The following KLC1 variants were observed in gnomAD, a reference collection of about 807,000 sequenced individuals.
KLC1 encodes the protein kinesin 2 60/70kDa.
Under a neutral mutation model 84.2 loss-of-function variants are expected in KLC1, and 30 were observed. The observed-to-expected ratio is 0.36, with a 90% CI of 0.27 to 0.48. The LOEUF (loss-of-function observed/expected upper bound fraction) is 0.48. Ranked by LOEUF, KLC1 falls within the 20% of genes least tolerant of loss-of-function variation. KLC1 has a pLI of 0.99. For missense variants in KLC1, 499 were observed against 805.4 expected (o/e 0.62, Z 4.60); for synonymous variants, 289 against 293.3 (o/e 0.99, Z 0.15).
chr14:103,694,669 G>A lies in KLC1; in HGVS notation c.1848+2244G>A. On this transcript the variant is annotated intron_variant, in intron 15 of 16. Coordinates refer to ENST00000334553, the MANE Select transcript of KLC1 (RefSeq NM_001394837.1). This position sits in a 1 kb window ranked among gnomAD's most constrained non-coding sequence, Gnocchi z 4.5. The stretch of plus-strand genomic sequence containing the variant: ...TGCCAGCCAACTAGGCTACGGGATG[G>A]AGGGGCGGTCTGTGAAACACCAGCC... 2.0e-6 allele frequency: 2 copies of A among 985,488 alleles called. No individual in the cohort carries two copies. The highest frequency in any genetic ancestry group is 2.4e-6 in the Non-Finnish European group (2 of 829,946). 61.0% of individuals were successfully genotyped at this position (985,488 alleles called of 1,614,324 possible). A position where few individuals can be genotyped will look rare whatever the true frequency, so the allele number is the denominator to read the frequency against.
chr14:103,696,114 C>A (rs1422853494), intron 15 of KLC1: 12 of 957,530 alleles, frequency 1.3e-5, no homozygotes, highest in African/African-American at 5.6e-5. Flanking sequence ...CGCCCCCCCC[C>A]ACAGCAGCCG....
At chr14:103,657,437 A>G (rs1819532958) in intron 2 of KLC1, 109 bp from the exon 3 acceptor site, 1 of 751,596 alleles carries the variant, frequency 1.3e-6, no homozygotes, top group African/African-American at 1.8e-5. Flanking sequence ...CTTTGGAGAA[A>G]ATATCTGCGA....
At chr14:103,669,206 G>T (rs1256079993) in intron 5 of KLC1, among the ~76,000 whole-genome samples, 3 of 151,876 alleles carry the variant, frequency 2.0e-5, no homozygotes, top group African/African-American at 7.3e-5. Context: ...GGAGGCCTAG[G>T]CGGGTGGATC....
intron 1 of KLC1, among the ~76,000 whole-genome samples, chr14:103,634,578 G>T (rs2076917549): frequency 6.6e-6 from 1 of 152,100 alleles, no homozygotes; most frequent in Non-Finnish European, 1.5e-5. Context: ...ATGTCCATCT[G>T]GTAGAGATGG....
chr14:103,657,525 C>G (rs377748971), intron 2 of KLC1, 21 bp from the exon 3 acceptor site: 2 of 1,599,486 alleles, frequency 1.3e-6, no homozygotes, highest in Non-Finnish European at 1.7e-6. Flanking sequence ...CACAGTGCTG[C>G]ACACGTTTCT....
intron 5 of KLC1, among the ~76,000 whole-genome samples, chr14:103,666,323 A>G (rs1033108093): frequency 3.3e-5 from 5 of 151,818 alleles, no homozygotes; most frequent in African/African-American, 1.2e-4. Context: ...TTGGCCTCCC[A>G]AAGTGCTGGG....
intron 1 of KLC1, among the ~76,000 whole-genome samples, chr14:103,646,466 A>G (rs980357085): frequency 6.6e-6 from 1 of 151,980 alleles, no homozygotes; most frequent in African/African-American, 2.4e-5. Context: ...ATGCCCATCT[A>G]ATTTTTAATT....
chr14:103,692,493 G>A (rs2082177728), intron 15 of KLC1, 68 bp downstream of exon 15: 6 of 1,372,280 alleles, frequency 4.4e-6, no homozygotes, highest in Admixed American at 2.0e-5. Context: ...CTGCAGACCC[G>A]CACTCGGCCC....
intron 12 of KLC1, among the ~76,000 whole-genome samples, chr14:103,678,544 G>A (rs2081109404): frequency 6.6e-6 from 1 of 151,320 alleles, no homozygotes; most frequent in Non-Finnish European, 1.5e-5. Context: ...TTTTAAATTA[G>A]CCAGGTGTGT....
chr14:103,655,318 T>C (rs573325613), intron 2 of KLC1, among the ~76,000 whole-genome samples: 1 of 152,204 alleles, frequency 6.6e-6, no homozygotes, highest in East Asian at 1.9e-4. Context: ...GATTGATTGA[T>C]TGAGATGGAG....
chr14:103,663,900 G>T (rs1366376886), intron 5 of KLC1, among the ~76,000 whole-genome samples: 3 of 152,150 alleles, frequency 2.0e-5, no homozygotes, highest in Non-Finnish European at 4.4e-5. Flanking sequence ...GAGAAATGCG[G>T]TGATATGACT....
chr14:103,634,652 C>T (rs1412569455), intron 1 of KLC1, among the ~76,000 whole-genome samples: 1 of 151,948 alleles, frequency 6.6e-6, no homozygotes, highest in Non-Finnish European at 1.5e-5. Context: ...AGATCAGTAG[C>T]AAATTGGCTA....
chr14:103,677,653 G>T (rs1438705043), intron 12 of KLC1, 130 bp downstream of exon 12: 2 of 669,586 alleles, frequency 3.0e-6, no homozygotes, highest in Admixed American at 5.2e-5. Context: ...AACAAATAAA[G>T]TTATATTGTT....
chr14:103,694,001 T>C lies in KLC1; in HGVS notation c.1848+1576T>C, dbSNP rs978066007. On this transcript the variant is annotated intron_variant, in intron 15 of 16. Transcript: ENST00000334553. The surrounding 1 kb of genome is among the most constrained non-coding windows in gnomAD (Gnocchi z 4.5). ...TTAAATTGTAATATTGTAATAAGGC[T>C]GTAAATTAAGAATCTGGAAACATAA... 9.5e-7 allele frequency: 1 copy of C among 1,047,966 alleles called. No individual in the cohort carries two copies. The allele number at this position is 1,047,966 out of a possible 1,614,324, so 64.9% of individuals were successfully genotyped here. A position where few individuals can be genotyped will look rare whatever the true frequency, so the allele number is the denominator to read the frequency against.
chr14:103,685,280 C>T, intron 13 of KLC1: 1 of 1,356,386 alleles, frequency 7.4e-7, no homozygotes, highest in Non-Finnish European at 9.5e-7. Flanking sequence ...TTATTTTGGT[C>T]CCTATGTTTT....
At chr14:103,689,637 A>G (rs2081975818) in intron 14 of KLC1, among the ~76,000 whole-genome samples, 1 of 152,092 alleles carries the variant, frequency 6.6e-6, no homozygotes, top group African/African-American at 2.4e-5. Flanking sequence ...CAGAATTTGC[A>G]TTTCACACAA....
At chr14:103,632,864 A>T (rs545105180) in intron 1 of KLC1, among the ~76,000 whole-genome samples, 1 of 152,000 alleles carries the variant, frequency 6.6e-6, no homozygotes, top group South Asian at 2.1e-4. Context: ...CCAATCAGCC[A>T]GTGTCAGGGG....
intron 1 of KLC1, among the ~76,000 whole-genome samples, chr14:103,640,933 T>A (rs928875375): frequency 3.9e-5 from 6 of 152,088 alleles, no homozygotes; most frequent in Admixed American, 6.6e-5. Flanking sequence ...TACTATTATT[T>A]TTTTTTTCTT....
chr14:103,645,174 T>C (rs1052507167), intron 1 of KLC1, among the ~76,000 whole-genome samples: 1 of 152,066 alleles, frequency 6.6e-6, no homozygotes, highest in Non-Finnish European at 1.5e-5. Context: ...GGTTTCTCCA[T>C]GTTTGCTAGG....
Sources: gnomAD v4.1 joint callset for allele counts (sites outside exome capture counted in the v4.1 genomes callset) on GRCh38, gnomAD v4.1.1 for gene constraint, Gnocchi (gnomAD v3.1) non-coding constraint, MANE v1.5 for transcripts, NCBI Gene and HGNC (gene_info 2026-07-23, HGNC 2026-07-21) for gene names.